The following ARMC2 variants were observed in gnomAD, a reference collection of about 807,000 sequenced individuals.
ARMC2 encodes the protein armadillo repeat containing 2, also known as armadillo repeat-containing protein 2.
Under a neutral mutation model 90.3 loss-of-function variants are expected in ARMC2, and 67 were observed. That is an observed-to-expected ratio of 0.74 (90% confidence interval 0.61 to 0.91). The LOEUF is 0.91. Among genes scored for constraint, ARMC2 ranks in the 40% least tolerant of loss-of-function variants. The pLI, the probability that ARMC2 is intolerant of heterozygous loss-of-function variation, is 0.00. For missense variants in ARMC2, 920 were observed against 1,030.9 expected (o/e 0.89, Z 1.47); for synonymous variants, 393 against 393.0 (o/e 1.00, Z 0.00).
the ARMC2 span, among the ~76,000 whole-genome samples, chr6:109,036,450 T>A: frequency 6.6e-6 from 1 of 152,212 alleles, no homozygotes; most frequent in Non-Finnish European, 1.5e-5. Flanking sequence ...CTAATATTGT[T>A]ACACACTTGG....
At chr6:108,942,555 G>A (rs1484999176) in intron 12 of ARMC2, among the ~76,000 whole-genome samples, 1 of 152,242 alleles carries the variant, frequency 6.6e-6, no homozygotes, top group East Asian at 1.9e-4. Flanking sequence ...GTGGAGACCT[G>A]AATCAGCCTT....
At chr6:108,894,369 A>G in intron 5 of ARMC2, 98 bp from the exon 6 acceptor site, 1 of 1,069,770 alleles carries the variant, frequency 9.3e-7, no homozygotes. Context: ...ACCTATCTCA[A>G]AATAATAAAT....
chr6:108,903,535 A>T lies in ARMC2; in HGVS notation c.848-695A>T, dbSNP rs77755138. On this transcript the variant is annotated intron_variant, in intron 7 of 17. Coordinates refer to ENST00000392644, the MANE Select transcript of ARMC2 (RefSeq NM_032131.6). ...TACTGATCATTGTTTTTGTCAACAGATATATTAGAAAATGAATATGTGTGA... is the reference window on the plus strand; with the variant it reads ...TACTGATCATTGTTTTTGTCAACAGTTATATTAGAAAATGAATATGTGTGA... 1.2e-3 allele frequency among the ~76,000 whole-genome samples: 185 copies of T among 152,286 alleles called. 3 individuals are homozygous for T. In the East Asian group the frequency reaches 0.033, roughly 27 times the overall value.
intron 8 of ARMC2, chr6:108,907,703 G>C: frequency 2.5e-6 from 4 of 1,608,952 alleles, no homozygotes; most frequent in Non-Finnish European, 3.4e-6. Context: ...GGTAACCCCC[G>C]AGATGCTCCC....
the ARMC2 span, among the ~76,000 whole-genome samples, chr6:109,038,654 G>T: frequency 6.6e-6 from 1 of 152,232 alleles, no homozygotes; most frequent in Non-Finnish European, 1.5e-5. Flanking sequence ...TATGCTCTGA[G>T]TGGGATGTGG....
At chr6:108,993,644 A>G in the ARMC2 span, among the ~76,000 whole-genome samples, 1 of 152,204 alleles carries the variant, frequency 6.6e-6, no homozygotes, top group Non-Finnish European at 1.5e-5. Flanking sequence ...CCTGGTTTAT[A>G]TATTATCTCC....
the ARMC2 span, among the ~76,000 whole-genome samples, chr6:109,035,285 C>A: frequency 9.9e-5 from 15 of 152,054 alleles, no homozygotes; most frequent in African/African-American, 2.4e-4. Flanking sequence ...GTGTTAGATG[C>A]TGAATAAAAC....
intron 4 of ARMC2, among the ~76,000 whole-genome samples, chr6:108,874,614 T>C (rs1776756224): frequency 6.6e-6 from 1 of 152,146 alleles, no homozygotes. Context: ...TAAGTCACTT[T>C]ACTAGGCCAC....
intron 13 of ARMC2, among the ~76,000 whole-genome samples, chr6:108,961,302 G>T (rs1777982539): frequency 6.6e-6 from 1 of 152,208 alleles, no homozygotes; most frequent in Non-Finnish European, 1.5e-5. Flanking sequence ...ACAGGTCCCA[G>T]ATCAGCTGGA....
intron 13 of ARMC2, among the ~76,000 whole-genome samples, chr6:108,955,321 C>T (rs2128506688): frequency 6.6e-6 from 1 of 152,308 alleles, no homozygotes; most frequent in Middle Eastern, 3.4e-3. Flanking sequence ...GCATACACAG[C>T]TAAGGGACGG....
intron 7 of ARMC2, 42 bp from the exon 8 acceptor site, chr6:108,904,188 C>A (rs1772430199): frequency 6.3e-7 from 1 of 1,597,774 alleles, no homozygotes; most frequent in Non-Finnish European, 8.5e-7. Context: ...GGAAACTTAA[C>A]CTTAATTAGT....
intron 13 of ARMC2, among the ~76,000 whole-genome samples, chr6:108,956,869 G>A (rs1777623097): frequency 6.6e-6 from 1 of 152,222 alleles, no homozygotes; most frequent in South Asian, 2.1e-4. Context: ...GCACGTGCCT[G>A]TAGTCCTAGC....
the ARMC2 span, among the ~76,000 whole-genome samples, chr6:109,006,872 A>G: frequency 6.6e-6 from 1 of 152,224 alleles, no homozygotes; most frequent in Non-Finnish European, 1.5e-5. Flanking sequence ...ATTTAGGTTA[A>G]TTCAATTATT....
chr6:108,944,881 C>T (rs978840712), intron 12 of ARMC2, among the ~76,000 whole-genome samples: 2 of 151,998 alleles, frequency 1.3e-5, no homozygotes, highest in Non-Finnish European at 1.5e-5. Context: ...AAATGACTTC[C>T]GCAGGGAGAG....
chr6:109,040,636 T>C, the ARMC2 span, among the ~76,000 whole-genome samples: 1 of 151,912 alleles, frequency 6.6e-6, no homozygotes, highest in African/African-American at 2.4e-5. Context: ...GTTAAACATA[T>C]ATGTGACAAA....
chr6:108,961,121 G>A (rs1164286797), intron 13 of ARMC2, among the ~76,000 whole-genome samples: 1 of 152,150 alleles, frequency 6.6e-6, no homozygotes, highest in African/African-American at 2.4e-5. Flanking sequence ...TCTAGAGTTC[G>A]TAGTCACAGA....
chr6:108,854,302 TG>T lies in ARMC2; in HGVS notation c.37del (p.Asp13IlefsTer18). ...LSPNDKMLGKLDPFYQPSVSK... is the reference protein window; with the variant it reads ...LSPNDKMLGKXDPFYQPSVSK... ...CCAAATGATAAAATGTTAGGAAAAC[TG>T]GATCCATTTTATCAACCTTCAGTGT... On this transcript the variant is annotated frameshift_variant, in exon 2 of 18. Transcript: ENST00000392644. LOFTEE classifies it high-confidence loss of function. 1 of 1,611,698 alleles carries T rather than the reference TG, an allele frequency of 6.2e-7. No individual in the cohort carries two copies. Among genetic ancestry groups the T allele is most frequent in the African/African-American group, 1.3e-5 (1 of 74,662 alleles).
chr6:108,863,835 A>T (rs1201141440), intron 3 of ARMC2, among the ~76,000 whole-genome samples: 2 of 152,200 alleles, frequency 1.3e-5, no homozygotes, highest in Non-Finnish European at 2.9e-5. Flanking sequence ...CACTGCCAAC[A>T]TCATCAAATT....
intron 5 of ARMC2, among the ~76,000 whole-genome samples, chr6:108,884,660 A>T (rs1159998242): frequency 6.6e-6 from 1 of 152,176 alleles, no homozygotes; most frequent in East Asian, 1.9e-4. Context: ...CATAGCGCTG[A>T]GCAGCATGTC....
Sources: gnomAD v4.1 joint callset for allele counts (sites outside exome capture counted in the v4.1 genomes callset) on GRCh38, gnomAD v4.1.1 for gene constraint, MANE v1.5 for transcripts, NCBI Gene and HGNC (gene_info 2026-07-23, HGNC 2026-07-21) for gene names.